LMBR1: variants seen among roughly 807,000 people sequenced by gnomAD.
LMBR1 encodes limb region 1 protein homolog.
A neutral mutation model predicts 73.9 loss-of-function variants in LMBR1; 52 were observed. The ratio of observed to expected loss-of-function variants is 0.70; its 90% CI spans 0.56 to 0.89. LMBR1 has a LOEUF of 0.89. LMBR1 is among the 40% of genes least tolerant of loss of function. The pLI is 0.00. For synonymous variants in LMBR1, 215 were observed against 209.4 expected, an observed-to-expected ratio of 1.03 and a Z score of -0.23; for missense variants, 539 against 579.8, an observed-to-expected ratio of 0.93 and a Z score of 0.72.
At chr7:156,849,634 G>A in intron 1 of LMBR1, among the ~76,000 whole-genome samples, 1 of 152,222 alleles carries the variant, frequency 6.6e-6, no homozygotes, top group Admixed American at 6.5e-5. Flanking sequence ...AAACAAAACT[G>A]TGGAGACACT....
At chr7:156,815,899 A>G (rs2133681355) in intron 4 of LMBR1, among the ~76,000 whole-genome samples, 1 of 151,746 alleles carries the variant, frequency 6.6e-6, no homozygotes, top group Middle Eastern at 3.4e-3. Context: ...TTTACTGTAT[A>G]AAAGGGACAT....
chr7:156,835,751 C>G (rs907775081), intron 2 of LMBR1, among the ~76,000 whole-genome samples: 1 of 151,326 alleles, frequency 6.6e-6, no homozygotes, highest in Non-Finnish European at 1.5e-5. Flanking sequence ...TCTCCATATT[C>G]ATTTCACTTC....
intron 1 of LMBR1, among the ~76,000 whole-genome samples, chr7:156,848,074 A>C (rs1455615307): frequency 6.6e-6 from 1 of 152,128 alleles, no homozygotes; most frequent in Admixed American, 6.5e-5. Flanking sequence ...AAAAAAAAAA[A>C]AATGCAAAAG....
At chr7:156,863,929 C>G (rs1798081312) in intron 1 of LMBR1, among the ~76,000 whole-genome samples, 1 of 152,074 alleles carries the variant, frequency 6.6e-6, no homozygotes, top group African/African-American at 2.4e-5. Context: ...GTGGGTGGAT[C>G]ACTTGAGGAC....
intron 7 of LMBR1, 92 bp from the exon 8 acceptor site, chr7:156,762,290 C>A: frequency 1.3e-6 from 1 of 777,064 alleles, no homozygotes; most frequent in Non-Finnish European, 2.2e-6. Flanking sequence ...AAGGGAAATT[C>A]AAGGATTATC....
At chr7:156,874,711 C>A (rs1199501389) in intron 1 of LMBR1, among the ~76,000 whole-genome samples, 1 of 152,144 alleles carries the variant, frequency 6.6e-6, no homozygotes, top group Non-Finnish European at 1.5e-5. Context: ...CACTGCAGCT[C>A]GGCCCTCAGG....
rs181714088 is a variant in LMBR1, at chr7:156,888,271, G to T, written c.66+4657C>A. 6.6e-3 allele frequency among the ~76,000 whole-genome samples: 998 copies of T among 152,100 alleles called. 6 individuals carry two copies. The highest frequency in any genetic ancestry group is 0.012 in the Non-Finnish European group (811 of 67,972). ...TAAAAATACAAAAAGTTAGCTGGGC[G>T]TGGTGGCGGGTGCCTGTAGTCCCAG... On this transcript the variant is annotated intron_variant, in intron 1 of 16. Coordinates refer to ENST00000353442, the MANE Select transcript of LMBR1 (RefSeq NM_022458.4).
intron 5 of LMBR1, among the ~76,000 whole-genome samples, chr7:156,789,951 G>GT (rs972609103): frequency 6.6e-6 from 1 of 151,074 alleles, no homozygotes; most frequent in African/African-American, 2.5e-5. Context: ...TCTGTACTTG[G>GT]TAACTTTCTG....
chr7:156,860,611 G>A (rs1797593689), intron 1 of LMBR1, among the ~76,000 whole-genome samples: 1 of 152,124 alleles, frequency 6.6e-6, no homozygotes, highest in African/African-American at 2.4e-5. Flanking sequence ...AAAGTCCATG[G>A]TCCAAAGTCT....
chr7:156,722,411 G>C (rs1214950936), intron 15 of LMBR1, among the ~76,000 whole-genome samples: 1 of 151,970 alleles, frequency 6.6e-6, no homozygotes, highest in African/African-American at 2.4e-5. Context: ...CAATTCTAAA[G>C]GGTTAATAGA....
Position 156,678,816 on chromosome 7 carries a change from C to CT in LMBR1, c.*5261dup, listed in dbSNP as rs1164545251. 6.6e-6 allele frequency: 1 copy of CT among 152,212 alleles called. No homozygotes were observed. The highest frequency in any genetic ancestry group is 1.5e-5 in the Non-Finnish European group (1 of 68,038). The allele number at this position is 152,212 out of a possible 1,614,324, so 9.4% of individuals were successfully genotyped here. A position where few individuals can be genotyped will look rare whatever the true frequency, so the allele number is the denominator to read the frequency against. ...ACTTCTTGTGCCTTCTCACACATCC[C>CT]TTTTTGCCTTTAAATCCACTTAATT... On this transcript the variant is annotated 3_prime_UTR_variant, in exon 17 of 17. Coordinates refer to ENST00000353442, the MANE Select transcript of LMBR1 (RefSeq NM_022458.4).
chr7:156,729,861 C>G (rs1721838755), intron 10 of LMBR1, among the ~76,000 whole-genome samples: 1 of 152,104 alleles, frequency 6.6e-6, no homozygotes, highest in African/African-American at 2.4e-5. Context: ...AATCCTCATG[C>G]TAAGAACAAG....
chr7:156,889,910 G>C (rs1324012248), intron 1 of LMBR1, among the ~76,000 whole-genome samples: 1 of 152,054 alleles, frequency 6.6e-6, no homozygotes, highest in Non-Finnish European at 1.5e-5. Context: ...AAGCTGAGGT[G>C]GGAGGATCGC....
At chr7:156,693,310 A>C (rs1807613585) in intron 15 of LMBR1, among the ~76,000 whole-genome samples, 1 of 151,756 alleles carries the variant, frequency 6.6e-6, no homozygotes, top group African/African-American at 2.4e-5. Flanking sequence ...GAAAATAATA[A>C]AGACTGAAGC....
At chr7:156,741,601 T>A (rs1818905639) in intron 9 of LMBR1, among the ~76,000 whole-genome samples, 1 of 152,038 alleles carries the variant, frequency 6.6e-6, no homozygotes, top group African/African-American at 2.4e-5. Context: ...TGCAAAAGGG[T>A]ATAACAATTG....
intron 5 of LMBR1, among the ~76,000 whole-genome samples, chr7:156,774,500 G>A (rs945584660): frequency 2.6e-5 from 4 of 152,130 alleles, no homozygotes; most frequent in Non-Finnish European, 5.9e-5. Flanking sequence ...AAGAAAATGT[G>A]GTACATATAC....
chr7:156,712,190 A>G (rs1302804676), intron 15 of LMBR1, among the ~76,000 whole-genome samples: 1 of 152,156 alleles, frequency 6.6e-6, no homozygotes, highest in Non-Finnish European at 1.5e-5. Context: ...AGCAAAGGAC[A>G]CACTTCAAAA....
At chr7:156,856,365 G>C (rs1226962173) in intron 1 of LMBR1, among the ~76,000 whole-genome samples, 1 of 151,988 alleles carries the variant, frequency 6.6e-6, no homozygotes, top group African/African-American at 2.4e-5. Context: ...AATTTTAAAA[G>C]ATCTTCATAA....
At chr7:156,868,832 A>G (rs1226098701) in intron 1 of LMBR1, among the ~76,000 whole-genome samples, 1 of 152,118 alleles carries the variant, frequency 6.6e-6, no homozygotes, top group East Asian at 1.9e-4. Context: ...CAGGCATGGT[A>G]GTGCAAGCCT....
Sources: gnomAD v4.1 joint callset for allele counts (sites outside exome capture counted in the v4.1 genomes callset) on GRCh38, gnomAD v4.1.1 for gene constraint, MANE v1.5 for transcripts, NCBI Gene and HGNC (gene_info 2026-07-23, HGNC 2026-07-21) for gene names.